The following NKAIN3 variants were observed in gnomAD, a reference collection of about 807,000 sequenced individuals.
The protein encoded by NKAIN3 is sodium/potassium-transporting ATPase subunit beta-1-interacting protein 3.
Under a neutral mutation model 30.2 loss-of-function variants are expected in NKAIN3, and 25 were observed. The ratio of observed to expected loss-of-function variants is 0.83; its 90% CI spans 0.60 to 1.16. The LOEUF (loss-of-function observed/expected upper bound fraction) is 1.16, where lower values mean the gene tolerates loss of function less well. NKAIN3 is among the 50% of genes most tolerant of loss of function. NKAIN3 has a pLI of 0.00. For synonymous variants in NKAIN3, 91 were observed against 89.6 expected (o/e 1.02, Z -0.09); for missense variants, 225 against 254.1 (o/e 0.89, Z 0.78).
rs988976005 is a variant in NKAIN3 at position 62,977,420 on chromosome 8, C to T, written c.*12013C>T. 2.6e-5 allele frequency among the ~76,000 whole-genome samples: 4 copies of T among 151,816 alleles called. No individual in the cohort carries two copies. The highest frequency in any genetic ancestry group is 9.7e-5 in the African/African-American group (4 of 41,338). On this transcript the variant is annotated 3_prime_UTR_variant, in exon 7 of 7. Coordinates refer to ENST00000623646, the MANE Select transcript of NKAIN3 (RefSeq NM_001304533.3). ...TTCCATTTTTTTCTTCTAATCTTGT[C>T]TTCATGCTTTATTTCCTTAAGTTGA...
intron 3 of NKAIN3, among the ~76,000 whole-genome samples, chr8:62,674,595 T>C (rs982313457): frequency 2.0e-5 from 3 of 152,206 alleles, no homozygotes; most frequent in African/African-American, 7.2e-5. Context: ...AATAATTAAC[T>C]ACTTAATTGC....
intron 1 of NKAIN3, among the ~76,000 whole-genome samples, chr8:62,339,557 C>A (rs547082539): frequency 6.6e-6 from 1 of 151,916 alleles, no homozygotes; most frequent in African/African-American, 2.4e-5. Context: ...TATGGAGACA[C>A]CTTAAATTTA....
At chr8:62,374,147 G>C (rs1305770496) in intron 1 of NKAIN3, among the ~76,000 whole-genome samples, 1 of 142,844 alleles carries the variant, frequency 7.0e-6, no homozygotes, top group Non-Finnish European at 1.5e-5. Flanking sequence ...AGAGAAGACA[G>C]AAGAAGAAAG....
intron 4 of NKAIN3, among the ~76,000 whole-genome samples, chr8:62,748,019 C>T (rs1485453234): frequency 6.6e-6 from 1 of 152,116 alleles, no homozygotes; most frequent in Non-Finnish European, 1.5e-5. Flanking sequence ...TTAAGAAATC[C>T]TTGCTATCAC....
chr8:62,297,115 T>C (rs2099694428), intron 1 of NKAIN3, among the ~76,000 whole-genome samples: 1 of 151,864 alleles, frequency 6.6e-6, no homozygotes, highest in Non-Finnish European at 1.5e-5. Context: ...TCTTCACGTG[T>C]CAGCCATAAG....
At chr8:62,826,257 A>G (rs1444934141) in intron 4 of NKAIN3, among the ~76,000 whole-genome samples, 1 of 152,080 alleles carries the variant, frequency 6.6e-6, no homozygotes, top group Non-Finnish European at 1.5e-5. Context: ...TATTACCATA[A>G]GAGTAACAAG....
At chr8:62,930,558 A>G (rs1429523916) in intron 5 of NKAIN3, among the ~76,000 whole-genome samples, 1 of 151,396 alleles carries the variant, frequency 6.6e-6, no homozygotes, top group African/African-American at 2.4e-5. Flanking sequence ...CCTGCCCTCT[A>G]TTCTACTTTT....
chr8:62,806,060 C>T (rs897744945), intron 4 of NKAIN3, among the ~76,000 whole-genome samples: 2 of 152,100 alleles, frequency 1.3e-5, no homozygotes, highest in Non-Finnish European at 2.9e-5. Context: ...AAAATGCTCA[C>T]CATCACTGGC....
Position 62,611,661 on chromosome 8 carries a change from C to T in NKAIN3, c.273+21867C>T, listed in dbSNP as rs572796476. On this transcript the variant is annotated intron_variant, in intron 3 of 6. Transcript: ENST00000623646. ...GCTGAATAGTACTCCATTGTGTATA[C>T]GTACCACGTTTTAAAATCTGTTCAT... is the stretch of plus-strand genomic sequence containing the variant. Among the ~76,000 whole-genome samples, 9 of 152,144 alleles carry T rather than the reference C, an allele frequency of 5.9e-5. No homozygotes were observed. In the South Asian group the frequency reaches 1.0e-3, roughly 18 times the overall value.
chr8:62,666,510 T>G (rs1453252524), intron 3 of NKAIN3, among the ~76,000 whole-genome samples: 1 of 152,220 alleles, frequency 6.6e-6, no homozygotes, highest in Admixed American at 6.5e-5. Context: ...GAAGATTATG[T>G]ATGCATATTT....
chr8:62,621,612 A>G (rs914976308), intron 3 of NKAIN3, among the ~76,000 whole-genome samples: 3 of 152,100 alleles, frequency 2.0e-5, no homozygotes, highest in African/African-American at 7.2e-5. Flanking sequence ...CCATGTCTTA[A>G]TTAAACTTCA....
chr8:62,672,359 C>A (rs1301514659), intron 3 of NKAIN3, among the ~76,000 whole-genome samples: 2 of 152,140 alleles, frequency 1.3e-5, no homozygotes, highest in African/African-American at 4.8e-5. Flanking sequence ...AAGTATTAGA[C>A]CAAGAAACAC....
chr8:62,670,675 A>C (rs1813271503), intron 3 of NKAIN3, among the ~76,000 whole-genome samples: 1 of 152,050 alleles, frequency 6.6e-6, no homozygotes, highest in Non-Finnish European at 1.5e-5. Flanking sequence ...CTCACTAGAG[A>C]AGGTAAAAGA....
intron 4 of NKAIN3, among the ~76,000 whole-genome samples, chr8:62,832,025 T>A (rs1819212563): frequency 6.6e-6 from 1 of 151,926 alleles, no homozygotes; most frequent in Non-Finnish European, 1.5e-5. Flanking sequence ...GACATCTCAG[T>A]AAAAAATATA....
At chr8:62,681,681 A>G (rs1705123386) in intron 3 of NKAIN3, among the ~76,000 whole-genome samples, 1 of 152,218 alleles carries the variant, frequency 6.6e-6, no homozygotes, top group African/African-American at 2.4e-5. Context: ...ATGTATATAA[A>G]TCACTAAAGG....
chr8:62,359,976 C>T (rs892541908), intron 1 of NKAIN3, among the ~76,000 whole-genome samples: 1 of 152,148 alleles, frequency 6.6e-6, no homozygotes, highest in Non-Finnish European at 1.5e-5. Context: ...CATCAGCGTC[C>T]AGCAACCTCA....
intron 1 of NKAIN3, among the ~76,000 whole-genome samples, chr8:62,352,031 A>G (rs1563361171): frequency 6.6e-6 from 1 of 152,232 alleles, no homozygotes; most frequent in African/African-American, 2.4e-5. Context: ...TCAAACACCA[A>G]GTATGAACTG....
At chr8:62,774,734 C>T (rs977756889) in intron 4 of NKAIN3, among the ~76,000 whole-genome samples, 3 of 152,058 alleles carry the variant, frequency 2.0e-5, no homozygotes, top group Admixed American at 6.6e-5. Context: ...ATGAATTATC[C>T]TTGCATCCCT....
At position 62,269,792 on chromosome 8, in the gene NKAIN3, A is replaced by G. The variant is rs191016759; in HGVS notation, c.54+20665A>G. On this transcript the variant is annotated intron_variant, in intron 1 of 6. Coordinates refer to ENST00000623646, the MANE Select transcript of NKAIN3 (RefSeq NM_001304533.3). Reference sequence around the variant, plus strand: ...GTGTGGCATTTGATAATGCTCATTAATGTTGCTGACATTGTCTTTGGATGG... The same window carrying G: ...GTGTGGCATTTGATAATGCTCATTAGTGTTGCTGACATTGTCTTTGGATGG... Among the ~76,000 whole-genome samples the G allele has an allele frequency of 3.9e-5, 6 of 152,258 alleles. No individual in the cohort carries two copies. The East Asian group carries it at 9.7e-4, about 25-fold the overall frequency.
Sources: allele counts gnomAD v4.1 joint callset (sites outside exome capture counted in the v4.1 genomes callset), GRCh38; gene constraint gnomAD v4.1.1; transcripts MANE v1.5; gene names NCBI Gene and HGNC (gene_info 2026-07-23, HGNC 2026-07-21).